Variants in CCR5AS observed in about 807,000 individuals in gnomAD.
CCR5AS encodes CCR5 antisense RNA.
At chr3:46,395,759 C>T (rs533709064) in intron 1 of CCR5AS, among the ~76,000 whole-genome samples, 68 of 150,494 alleles carry the variant, frequency 4.5e-4, no homozygotes, top group African/African-American at 1.5e-3. Flanking sequence ...AGTTGAAGGT[C>T]CTGGTTCTGC....
intron 3 of CCR5AS, among the ~76,000 whole-genome samples, chr3:46,368,166 C>G (rs762634794): frequency 2.6e-5 from 4 of 152,152 alleles, no homozygotes; most frequent in Non-Finnish European, 5.9e-5. Flanking sequence ...CATGGGGCAG[C>G]TGTTTAAAGA....
At position 46,373,802 on chromosome 3, in the gene CCR5AS, C is replaced by A. The variant is rs537300448; in HGVS notation, n.392-2385G>T. 18 of 1,613,840 alleles carry A rather than the reference C, an allele frequency of 1.1e-5. No homozygotes were observed. In the Admixed American group the frequency reaches 1.7e-4, roughly 15 times the overall value. Reference sequence around the variant, plus strand: ...TCAACCCCATCATCTATGCCTTTGTCGGGGAGAAGTTCAGAAACTACCTCT... The same window carrying A: ...TCAACCCCATCATCTATGCCTTTGTAGGGGAGAAGTTCAGAAACTACCTCT... On this transcript the variant is annotated intron_variant and non_coding_transcript_variant, in intron 2 of 3. Coordinates refer to ENST00000451485, the Ensembl canonical transcript of CCR5AS.
chr3:46,393,305 ACTT>A (rs1490048594), intron 1 of CCR5AS, among the ~76,000 whole-genome samples: 2 of 151,852 alleles, frequency 1.3e-5, no homozygotes, highest in South Asian at 2.1e-4. Context: ...GCCTATTTTC[ACTT>A]CTTTTGTGGT....
chr3:46,374,005 T>G, intron 2 of CCR5AS: 4 of 1,423,084 alleles, frequency 2.8e-6, no homozygotes, highest in Non-Finnish European at 3.8e-6. Flanking sequence ...GTTGTGCACA[T>G]GGCTTAGTTT....
At chr3:46,390,492 A>C (rs1701901803) in intron 2 of CCR5AS, among the ~76,000 whole-genome samples, 1 of 152,108 alleles carries the variant, frequency 6.6e-6, no homozygotes, top group Non-Finnish European at 1.5e-5. Context: ...AACCCTTTTA[A>C]AGCCTGCTGT....
chr3:46,377,618 T>C (rs1701774915), intron 2 of CCR5AS, among the ~76,000 whole-genome samples: 1 of 152,160 alleles, frequency 6.6e-6, no homozygotes, highest in African/African-American at 2.4e-5. Flanking sequence ...ACTGCTCAAG[T>C]GTTAACACTT....
Position 46,373,087 on chromosome 3 carries a change from A to C in CCR5AS, n.392-1670T>G, listed in dbSNP as rs917809042. On this transcript the variant is annotated intron_variant and non_coding_transcript_variant, in intron 2 of 3. Transcript: ENST00000451485. ...ATCCTGATAAACTGCAAAAGGCTGA[A>C]GAGCATGACTGACATCTACCTGCTC... 3.7e-6 allele frequency: 6 copies of C among 1,614,196 alleles called. 1 individual carries two copies. The highest frequency in any genetic ancestry group is 1.7e-5 in the Admixed American group (1 of 60,028).
chr3:46,371,985 A>G (rs1190975410), intron 2 of CCR5AS, among the ~76,000 whole-genome samples: 1 of 152,154 alleles, frequency 6.6e-6, no homozygotes, highest in Admixed American at 6.5e-5. Flanking sequence ...CGCATTCAAA[A>G]TCGGTTGCTT....
intron 1 of CCR5AS, among the ~76,000 whole-genome samples, chr3:46,395,391 A>C (rs1701950545): frequency 6.6e-6 from 1 of 152,110 alleles, no homozygotes; most frequent in African/African-American, 2.4e-5. Flanking sequence ...CAATAGCTCA[A>C]GCAGAACCCG....
chr3:46,400,670 C>A (rs1299208718), intron 1 of CCR5AS, among the ~76,000 whole-genome samples: 1 of 152,286 alleles, frequency 6.6e-6, no homozygotes, highest in South Asian at 2.1e-4. Flanking sequence ...GAGACTTGGG[C>A]ACCAGATGGG....
chr3:46,393,606 T>C (rs1162858802), intron 1 of CCR5AS, among the ~76,000 whole-genome samples: 2 of 152,094 alleles, frequency 1.3e-5, no homozygotes, highest in African/African-American at 2.4e-5. Flanking sequence ...ATTCAACAGA[T>C]ATTTATTGAG....
At chr3:46,385,793 T>A (rs962827516) in intron 2 of CCR5AS, among the ~76,000 whole-genome samples, 8 of 152,136 alleles carry the variant, frequency 5.3e-5, no homozygotes, top group African/African-American at 1.9e-4. Flanking sequence ...CAGGCTGGAG[T>A]GCAGTGGCGC....
intron 1 of CCR5AS, among the ~76,000 whole-genome samples, chr3:46,403,907 A>G (rs935615475): frequency 3.5e-4 from 54 of 152,328 alleles, no homozygotes; most frequent in African/African-American, 1.3e-3. Context: ...AAGAACAAAA[A>G]CAAAATAAAA....
At chr3:46,366,746 G>C (rs567470345) in intron 3 of CCR5AS, among the ~76,000 whole-genome samples, 2 of 152,308 alleles carry the variant, frequency 1.3e-5, no homozygotes, top group African/African-American at 4.8e-5. Flanking sequence ...CTGTCACCTG[G>C]TGGGTGTCAT....
Position 46,369,373 on chromosome 3 carries a change from T to A in CCR5AS, n.565+1871A>T, listed in dbSNP as rs546683708. Among the ~76,000 whole-genome samples the A allele has an allele frequency of 2.9e-4, 44 of 151,678 alleles. 2 individuals carry two copies. The South Asian group carries it at 6.7e-3, about 23-fold the overall frequency. On this transcript the variant is annotated intron_variant and non_coding_transcript_variant, in intron 3 of 3. Coordinates refer to ENST00000451485, the Ensembl canonical transcript of CCR5AS. ...TGAACTAGAACATTTTCTCGATGAT[T>A]CGCTGTCCTTGTTATGATTATGTTA...
At position 46,393,485 on chromosome 3, in the gene CCR5AS, AG is replaced by A. The variant is rs1409845315; in HGVS notation, n.164-434del. On this transcript the variant is annotated intron_variant and non_coding_transcript_variant, in intron 1 of 3. Coordinates refer to ENST00000451485, the Ensembl canonical transcript of CCR5AS. ...CAAAAAAAAAAGAAAAGAAAAGAAA[AG>A]AAAAAAAAAGAAGAAGAAAAAAAAA... Among the ~76,000 whole-genome samples the A allele has an allele frequency of 1.5e-3, 223 of 148,666 alleles. 3 individuals carry two copies. Among genetic ancestry groups the A allele is most frequent in the Non-Finnish European group, 1.9e-3 (129 of 67,506 alleles).
In CCR5AS at chr3:46,373,292, C is replaced by T. The variant is rs559783442; in HGVS notation, n.392-1875G>A. The T allele has an allele frequency of 1.6e-4, 251 of 1,614,136 alleles. 1 individual carries two copies. Among genetic ancestry groups the T allele is most frequent in the South Asian group, 1.5e-3 (140 of 91,084 alleles). The stretch of plus-strand genomic sequence containing the variant: ...TGACAATCGATAGGTACCTGGCTGT[C>T]GTCCATGCTGTGTTTGCTTTAAAAG... On this transcript the variant is annotated intron_variant and non_coding_transcript_variant, in intron 2 of 3. Transcript: ENST00000451485.
At chr3:46,367,365 TAAAAA>T (rs10714482) in intron 3 of CCR5AS, among the ~76,000 whole-genome samples, 1 of 129,608 alleles carries the variant, frequency 7.7e-6, no homozygotes, top group African/African-American at 3.0e-5. Context: ...AATCTTTAGC[TAAAAA>T]AAAAAAAAAA....
chr3:46,400,103 C>T (rs1290647315), intron 1 of CCR5AS, among the ~76,000 whole-genome samples: 1 of 152,114 alleles, frequency 6.6e-6, no homozygotes, highest in Non-Finnish European at 1.5e-5. Context: ...AAGCAATCCT[C>T]CCACCCCAGC....
Sources: gnomAD v4.1 joint callset for allele counts (sites outside exome capture counted in the v4.1 genomes callset) on GRCh38, gnomAD v4.1.1 for gene constraint, MANE v1.5 for transcripts, NCBI Gene and HGNC (gene_info 2026-07-23, HGNC 2026-07-21) for gene names.